BAIAP2: variants seen among roughly 807,000 people sequenced by gnomAD.
BAIAP2 encodes the protein BAR/IMD domain-containing adapter protein 2.
In BAIAP2, 18 loss-of-function variants were observed where a neutral mutation model predicts 63.0. The ratio of observed to expected loss-of-function variants is 0.29; its 90% confidence interval spans 0.20 to 0.42. The LOEUF is 0.42. Among genes scored for constraint, BAIAP2 ranks in the 10% least tolerant of loss-of-function variants. The pLI is 1.00. For missense variants in BAIAP2, 610 were observed against 734.3 expected, an observed-to-expected ratio of 0.83 and a Z score of 1.96; for synonymous variants, 386 against 307.6, an observed-to-expected ratio of 1.25 and a Z score of -2.67.
intron 1 of BAIAP2, chr17:81,036,979 T>C: frequency 6.5e-7 from 1 of 1,533,574 alleles, no homozygotes; most frequent in Non-Finnish European, 8.7e-7. Flanking sequence ...CATGGAGTGG[T>C]TTTGCTCTGG....
At chr17:81,061,827 C>G (rs1261232468) in intron 3 of BAIAP2, among the ~76,000 whole-genome samples, 1 of 152,132 alleles carries the variant, frequency 6.6e-6, no homozygotes, top group Non-Finnish European at 1.5e-5. Flanking sequence ...TTTCACTTGG[C>G]TTTTGTCTTC....
intron 1 of BAIAP2, among the ~76,000 whole-genome samples, chr17:81,045,507 G>A (rs1377968804): frequency 6.6e-6 from 1 of 150,790 alleles, no homozygotes. Flanking sequence ...CCTGCACCTC[G>A]GGCCCCTCCT....
chr17:81,085,359 A>T, intron 4 of BAIAP2: 1 of 585,756 alleles, frequency 1.7e-6, no homozygotes, highest in Non-Finnish European at 3.1e-6. Flanking sequence ...CCTGTGTCGC[A>T]GTGATCCCCA....
chr17:81,049,234 A>C (rs950950641), intron 1 of BAIAP2, among the ~76,000 whole-genome samples: 1 of 152,048 alleles, frequency 6.6e-6, no homozygotes, highest in Non-Finnish European at 1.5e-5. Context: ...GCAGGGGGGC[A>C]TGGGGTCACA....
rs975780323 is a variant in BAIAP2 at position 81,117,192 on chromosome 17, AGCTTCCTCCTGGCCCCAGGAAGGGCT to A, written c.*1355_*1380del. 6.7e-6 allele frequency: 1 copy of A among 149,594 alleles called. No individual in the cohort carries two copies. The highest frequency in any genetic ancestry group is 1.5e-5 in the Non-Finnish European group (1 of 67,418). 9.3% of individuals were successfully genotyped at this position (149,594 alleles called of 1,614,324 possible). ...ACAGTGGGGAGGAGAGGAGAGGGGC[AGCTTCCTCCTGGCCCCAGGAAGGGCT>A]GGCATCGGGTTCCTGGCACAGCCCC... On this transcript the variant is annotated 3_prime_UTR_variant, in exon 14 of 14. Coordinates refer to ENST00000428708, the MANE Select transcript of BAIAP2 (RefSeq NM_001144888.2).
At chr17:81,061,659 C>T (rs367922769) in intron 3 of BAIAP2, among the ~76,000 whole-genome samples, 9 of 152,256 alleles carry the variant, frequency 5.9e-5, no homozygotes, top group Admixed American at 6.5e-5. Context: ...ACAGTTTGGC[C>T]GTACCCTCAT....
intron 3 of BAIAP2, among the ~76,000 whole-genome samples, chr17:81,079,820 G>A (rs2054292472): frequency 2.0e-5 from 3 of 152,200 alleles, no homozygotes; most frequent in Non-Finnish European, 2.9e-5. Flanking sequence ...TGGACCAGAC[G>A]TGGGCCTCCC....
intron 6 of BAIAP2, 118 bp from the exon 7 acceptor site, chr17:81,099,810 C>G (rs1046871709): frequency 8.2e-7 from 1 of 1,215,012 alleles, no homozygotes; most frequent in Non-Finnish European, 1.1e-6. Context: ...TGTTTTGTTT[C>G]CAGCTGCTCT....
intron 1 of BAIAP2, among the ~76,000 whole-genome samples, chr17:81,039,761 A>C (rs4969358): frequency 0.76 from 115,979 of 152,058 alleles, 44,450 homozygotes; most frequent in Middle Eastern, 0.84. Context: ...GAGGGCCAAG[A>C]CCTGTCTGCT....
chr17:81,086,846 A>G (rs114111091), intron 6 of BAIAP2: 4 of 436,450 alleles, frequency 9.2e-6, no homozygotes, highest in African/African-American at 2.0e-5. Flanking sequence ...AGAAACCTAA[A>G]TGGAGTCCTC....
At chr17:81,098,041 C>T (rs758332403) in intron 6 of BAIAP2, 43 of 1,159,488 alleles carry the variant, frequency 3.7e-5, no homozygotes, top group Non-Finnish European at 4.6e-5. Context: ...TGTGGTGTCA[C>T]GCGCTACCCC....
intron 6 of BAIAP2, among the ~76,000 whole-genome samples, chr17:81,093,060 C>T (rs920218880): frequency 6.8e-6 from 1 of 148,112 alleles, no homozygotes; most frequent in Non-Finnish European, 1.5e-5. Flanking sequence ...GGGTGGGAGG[C>T]GAGTGGCCCA....
chr17:81,098,001 G>C, intron 6 of BAIAP2: 1 of 830,712 alleles, frequency 1.2e-6, no homozygotes, highest in Non-Finnish European at 1.6e-6. Context: ...CGGGAACCCC[G>C]GGTGCCGGGT....
Position 81,035,179 on chromosome 17 carries a change from C to G in BAIAP2, c.-76C>G, listed in dbSNP as rs557651408. ...GTTCGGGTCCGCTTTCGTCTCCGTCCTGCTGCCGTTACCGCCGCTGCTGCC... is the reference window on the plus strand; with the variant it reads ...GTTCGGGTCCGCTTTCGTCTCCGTCGTGCTGCCGTTACCGCCGCTGCTGCC... On this transcript the variant is annotated 5_prime_UTR_variant, in exon 1 of 14. Transcript: ENST00000428708. The G allele has an allele frequency of 1.6e-5, 21 of 1,274,496 alleles. No individual in the cohort carries two copies. The highest frequency in any genetic ancestry group is 4.7e-5 in the African/African-American group (3 of 63,706). 78.9% of individuals were successfully genotyped at this position (1,274,496 alleles called of 1,614,324 possible). A position where few individuals can be genotyped will look rare whatever the true frequency, so the allele number is the denominator to read the frequency against.
chr17:81,114,977 G>A (rs1471174014), intron 13 of BAIAP2, among the ~76,000 whole-genome samples: 1 of 152,234 alleles, frequency 6.6e-6, no homozygotes, highest in African/African-American at 2.4e-5. Context: ...CATCTGTGCT[G>A]TCACCCTTGG....
intron 6 of BAIAP2, among the ~76,000 whole-genome samples, chr17:81,099,510 A>G (rs2058203912): frequency 6.6e-6 from 1 of 151,968 alleles, no homozygotes; most frequent in South Asian, 2.1e-4. Context: ...CAACAGGGGG[A>G]AGGACCAAGA....
At chr17:81,042,163 A>G (rs1254606506) in intron 1 of BAIAP2, among the ~76,000 whole-genome samples, 1 of 128,372 alleles carries the variant, frequency 7.8e-6, no homozygotes, top group African/African-American at 3.0e-5. Context: ...TTTTTTGGAG[A>G]CAGAGTCTTG....
rs2058822070 is a variant in BAIAP2, at chr17:81,103,991, A to G, written c.949A>G (p.Lys317Glu). 1 of 1,613,114 alleles carries G rather than the reference A, an allele frequency of 6.2e-7. No homozygotes were observed. Among genetic ancestry groups the G allele is most frequent in the South Asian group, 1.1e-5 (1 of 91,086 alleles). Residue 317 changes from lysine (K) to glutamate (E), a missense_variant, in exon 9 of 14, where the codon AAG (lysine) becomes GAG (glutamate). This residue lies in a region of BAIAP2 where 389 missense variants were observed against 455.6 expected (regional missense o/e 0.85). Coordinates refer to ENST00000428708, the MANE Select transcript of BAIAP2 (RefSeq NM_001144888.2). ...GEDYSPWADRKAAQPKSLSPP... is the reference protein window; with the variant it reads ...GEDYSPWADREAAQPKSLSPP... ...GGACTACAGCCCGTGGGCTGACCGC[A>G]AGGCTGCCCAGCCCAAATCCCTGTC...
intron 7 of BAIAP2, among the ~76,000 whole-genome samples, chr17:81,102,041 GCCGCAGGTCTCCCA>G (rs1450595564): frequency 2.6e-5 from 4 of 152,198 alleles, no homozygotes; most frequent in African/African-American, 4.8e-5. Context: ...CAGGCTGCTT[GCCGCAGGTCTCCCA>G]GGAGGGGTTG....
Sources: gnomAD v4.1 joint callset for allele counts (sites outside exome capture counted in the v4.1 genomes callset) on GRCh38, gnomAD v4.1.1 for gene constraint, gnomAD v4.1.1 regional missense constraint, MANE v1.5 for transcripts, NCBI Gene and HGNC (gene_info 2026-07-23, HGNC 2026-07-21) for gene names.